The following FOXN3 variants were observed in gnomAD, a reference collection of about 807,000 sequenced individuals.
The protein encoded by FOXN3 is forkhead box N3, also known as forkhead box protein N3.
Under a neutral mutation model 38.4 loss-of-function variants are expected in FOXN3, and 7 were observed. The ratio of observed to expected loss-of-function variants is 0.18; its 90% CI spans 0.10 to 0.34. FOXN3 has a LOEUF of 0.34. Among genes scored for constraint, FOXN3 ranks in the 10% least tolerant of loss-of-function variants. The probability of loss-of-function intolerance (pLI) is 1.00; values close to 1 mark genes in which losing one functional copy is unlikely to be tolerated. For missense variants in FOXN3, 456 were observed against 613.4 expected (o/e 0.74, Z 2.71); for synonymous variants, 230 against 242.2 (o/e 0.95, Z 0.47).
At chr14:89,353,104 T>C (rs532822789) in intron 2 of FOXN3, among the ~76,000 whole-genome samples, 3 of 152,292 alleles carry the variant, frequency 2.0e-5, no homozygotes, top group Admixed American at 6.5e-5. Flanking sequence ...GGCTGAAGAA[T>C]AGTAAGAACA....
At chr14:89,581,460 C>T (rs1252837499) in intron 1 of FOXN3, among the ~76,000 whole-genome samples, 5 of 147,928 alleles carry the variant, frequency 3.4e-5, no homozygotes, top group East Asian at 4.0e-4. Context: ...CTAGCTTGGG[C>T]GACAAGCAGA....
At chr14:89,341,531 C>T (rs1200461161) in intron 3 of FOXN3, among the ~76,000 whole-genome samples, 2 of 152,184 alleles carry the variant, frequency 1.3e-5, no homozygotes, top group African/African-American at 4.8e-5. Flanking sequence ...TGCACCTCTA[C>T]TTCTTAATCT....
upstream of FOXN3, chr14:89,419,047 C>A: frequency 2.3e-6 from 1 of 440,652 alleles, no homozygotes; most frequent in Non-Finnish European, 4.6e-6. Context: ...TCTCAGAGTT[C>A]AAAAAGAGGG....
intron 4 of FOXN3, among the ~76,000 whole-genome samples, chr14:89,264,315 A>G (rs537447877): frequency 3.1e-4 from 47 of 152,196 alleles, no homozygotes; most frequent in Non-Finnish European, 5.7e-4. Context: ...CACATCTTAC[A>G]TGGCAGCAGA....
intron 1 of FOXN3, among the ~76,000 whole-genome samples, chr14:89,560,919 T>G (rs1226070898): frequency 6.6e-6 from 1 of 152,126 alleles, no homozygotes; most frequent in Admixed American, 6.5e-5. Flanking sequence ...TCCAGGTTAT[T>G]TAAAAAGGTA....
At chr14:89,566,637 C>T (rs764532547) in intron 1 of FOXN3, among the ~76,000 whole-genome samples, 15 of 152,174 alleles carry the variant, frequency 9.9e-5, no homozygotes, top group Non-Finnish European at 2.1e-4. Flanking sequence ...AAATTATGTT[C>T]ATTGTGTTGG....
chr14:89,570,942 G>C (rs2139894805), intron 1 of FOXN3, among the ~76,000 whole-genome samples: 1 of 152,194 alleles, frequency 6.6e-6, no homozygotes, highest in South Asian at 2.1e-4. Context: ...ACCATTTCTA[G>C]ACATTTCAAA....
chr14:89,508,298 G>T (rs1893990809), intron 1 of FOXN3, among the ~76,000 whole-genome samples: 1 of 152,152 alleles, frequency 6.6e-6, no homozygotes, highest in African/African-American at 2.4e-5. Context: ...ACGGAGGAGT[G>T]GCATTATGTG....
intron 4 of FOXN3, among the ~76,000 whole-genome samples, chr14:89,221,295 C>CA (rs1425572584): frequency 2.6e-5 from 4 of 152,168 alleles, no homozygotes; most frequent in Admixed American, 1.3e-4. Flanking sequence ...ATTGCTATGA[C>CA]AACCAATAAC....
At chr14:89,420,740 C>A (rs1596265725), upstream of FOXN3, among the ~76,000 whole-genome samples, 1 of 152,090 alleles carries the variant, frequency 6.6e-6, no homozygotes, top group East Asian at 1.9e-4. Context: ...AAAGAGCACA[C>A]AGATTAGTGG....
chr14:89,286,924 G>A (rs139817911), intron 3 of FOXN3, among the ~76,000 whole-genome samples: 2 of 152,120 alleles, frequency 1.3e-5, no homozygotes, highest in South Asian at 2.1e-4. Context: ...TGAGTGTCCC[G>A]GCAATTAAAA....
intron 1 of FOXN3, among the ~76,000 whole-genome samples, chr14:89,592,473 AT>A (rs1344404044): frequency 1.3e-5 from 2 of 151,894 alleles, no homozygotes; most frequent in African/African-American, 2.4e-5. Flanking sequence ...TAAAATTAAA[AT>A]TCTAAAAGCT....
chr14:89,201,956 T>C (rs1306076417), intron 4 of FOXN3, among the ~76,000 whole-genome samples: 1 of 152,216 alleles, frequency 6.6e-6, no homozygotes. Flanking sequence ...TATTTCCACA[T>C]GCACGGCATC....
intron 4 of FOXN3, among the ~76,000 whole-genome samples, chr14:89,243,158 C>T (rs77672247): frequency 0.031 from 4,789 of 152,122 alleles, 99 homozygotes; most frequent in African/African-American, 0.052. Flanking sequence ...AAGGGCCTGC[C>T]AAGTGATTGT....
chr14:89,255,909 C>G (rs1885604514), intron 4 of FOXN3, among the ~76,000 whole-genome samples: 1 of 152,172 alleles, frequency 6.6e-6, no homozygotes, highest in African/African-American at 2.4e-5. Context: ...CAACCAGCCT[C>G]CAGTGGCTCT....
At chr14:89,553,451 A>G (rs1274969251) in intron 1 of FOXN3, among the ~76,000 whole-genome samples, 2 of 135,714 alleles carry the variant, frequency 1.5e-5, no homozygotes, top group Non-Finnish European at 1.6e-5. Context: ...CATGAAAGTG[A>G]AAAAAAAAAA....
chr14:89,231,086 G>A, intron 4 of FOXN3, among the ~76,000 whole-genome samples: 1 of 151,980 alleles, frequency 6.6e-6, no homozygotes. Flanking sequence ...AAGCATGCCT[G>A]CCTAATTTTT....
At chr14:89,410,973 G>A (rs897096213) in intron 2 of FOXN3, among the ~76,000 whole-genome samples, 1 of 152,200 alleles carries the variant, frequency 6.6e-6, no homozygotes, top group Non-Finnish European at 1.5e-5. Flanking sequence ...TACAAACTAT[G>A]GCTTTAAAGC....
chr14:89,297,138 G>A (rs1356530631), intron 3 of FOXN3, among the ~76,000 whole-genome samples: 1 of 152,126 alleles, frequency 6.6e-6, no homozygotes, highest in Non-Finnish European at 1.5e-5. Flanking sequence ...CAAGAGGAAA[G>A]GCAAGTAAAG....
Sources: allele counts gnomAD v4.1 joint callset (sites outside exome capture counted in the v4.1 genomes callset), GRCh38; gene constraint gnomAD v4.1.1; transcripts MANE v1.5; gene names NCBI Gene and HGNC (gene_info 2026-07-23, HGNC 2026-07-21).